EIF4G3: variants seen among roughly 807,000 people sequenced by gnomAD.
EIF4G3 encodes eukaryotic translation initiation factor 4 gamma 3.
A neutral mutation model predicts 186.4 loss-of-function variants in EIF4G3; 34 were observed. The ratio of observed to expected loss-of-function variants is 0.18; its 90% CI spans 0.14 to 0.24. The LOEUF (loss-of-function observed/expected upper bound fraction) is 0.24, where lower values mean the gene tolerates loss of function less well. Among genes scored for constraint, EIF4G3 ranks in the 10% least tolerant of loss-of-function variants. The probability of loss-of-function intolerance (pLI) is 1.00; values close to 1 mark genes in which losing one functional copy is unlikely to be tolerated. For synonymous variants in EIF4G3, 673 were observed against 679.5 expected (o/e 0.99, Z 0.15); for missense variants, 1,536 against 1,948.5 (o/e 0.79, Z 3.99).
intron 3 of EIF4G3, among the ~76,000 whole-genome samples, chr1:21,058,794 C>G (rs1441248670): frequency 7.9e-6 from 1 of 126,378 alleles, no homozygotes; most frequent in Non-Finnish European, 1.6e-5. Context: ...GTCTCAAACT[C>G]TGAAACTCAA....
At chr1:20,827,192 C>T (rs1051254097) in intron 32 of EIF4G3, among the ~76,000 whole-genome samples, 2 of 152,202 alleles carry the variant, frequency 1.3e-5, no homozygotes, top group Non-Finnish European at 2.9e-5. Context: ...ACCTCTTAGA[C>T]TTCTAACAAA....
chr1:20,929,960 G>A (rs1485175644), intron 14 of EIF4G3, among the ~76,000 whole-genome samples: 3 of 152,162 alleles, frequency 2.0e-5, no homozygotes, highest in Non-Finnish European at 2.9e-5. Context: ...TCATGGCAAT[G>A]AAGTTAATAT....
chr1:20,938,000 TTTC>T (rs549297861), intron 14 of EIF4G3, among the ~76,000 whole-genome samples: 13 of 132,722 alleles, frequency 9.8e-5, no homozygotes, highest in Admixed American at 7.4e-4. Context: ...CAACTGATGC[TTTC>T]TTTTTTTTTT....
intron 7 of EIF4G3, among the ~76,000 whole-genome samples, chr1:20,991,162 A>G (rs1050984543): frequency 2.0e-5 from 3 of 152,176 alleles, no homozygotes; most frequent in Admixed American, 6.5e-5. Flanking sequence ...ATTTCCCGGC[A>G]TGTGGTCAAT....
chr1:21,104,584 T>A lies in EIF4G3; in HGVS notation c.-271-15371A>T, dbSNP rs117909733. On this transcript the variant is annotated intron_variant, in intron 2 of 36. Transcript: ENST00000602326. Reference sequence around the variant, plus strand: ...GTCAAAAAATAACAGAGGCTGACTATGTTGCGGAGCAAAGGGAATGCTTAT... The same window carrying A: ...GTCAAAAAATAACAGAGGCTGACTAAGTTGCGGAGCAAAGGGAATGCTTAT... Among the ~76,000 whole-genome samples, 317 of 152,310 alleles carry A rather than the reference T, an allele frequency of 2.1e-3. 4 individuals are homozygous for A. In the East Asian group the frequency reaches 0.048, roughly 23 times the overall value.
chr1:21,158,826 C>T (rs770677876), intron 2 of EIF4G3, among the ~76,000 whole-genome samples: 2 of 152,012 alleles, frequency 1.3e-5, no homozygotes, highest in African/African-American at 2.4e-5. Flanking sequence ...GGCCTTTAAT[C>T]CCATCTAAAC....
At chr1:20,837,669 T>A (rs1239577557) in intron 30 of EIF4G3, among the ~76,000 whole-genome samples, 4 of 152,124 alleles carry the variant, frequency 2.6e-5, no homozygotes, top group Admixed American at 2.6e-4. Context: ...ACTATCTTTG[T>A]AGGTTAAGAA....
chr1:20,856,675 C>A (rs2075002153), intron 25 of EIF4G3, among the ~76,000 whole-genome samples: 1 of 152,124 alleles, frequency 6.6e-6, no homozygotes, highest in African/African-American at 2.4e-5. Flanking sequence ...TTCCTTTACG[C>A]CTTGGATAAG....
intron 27 of EIF4G3, among the ~76,000 whole-genome samples, chr1:20,852,568 G>A (rs969084783): frequency 1.3e-5 from 2 of 152,042 alleles, no homozygotes; most frequent in African/African-American, 2.4e-5. Flanking sequence ...TTCCTGATTC[G>A]TCTTCTTTTA....
intron 6 of EIF4G3, among the ~76,000 whole-genome samples, chr1:21,000,369 A>G (rs945315948): frequency 3.3e-5 from 5 of 152,142 alleles, no homozygotes; most frequent in Non-Finnish European, 7.3e-5. Context: ...GAAAAGCCTA[A>G]AACTGCGCAA....
chr1:20,937,550 C>CA (rs1295725633), intron 14 of EIF4G3, among the ~76,000 whole-genome samples: 5 of 151,312 alleles, frequency 3.3e-5, no homozygotes, highest in South Asian at 2.1e-4. Context: ...AAGCAAGAGC[C>CA]AAAAAAACAA....
At chr1:21,134,427 G>A (rs2097203416) in intron 2 of EIF4G3, among the ~76,000 whole-genome samples, 1 of 152,142 alleles carries the variant, frequency 6.6e-6, no homozygotes, top group African/African-American at 2.4e-5. Context: ...CCAACACTTT[G>A]GAGGGCCAAG....
rs192270669 is a variant in EIF4G3, at chr1:21,004,309, A to G, written c.-66-1501T>C. Among the ~76,000 whole-genome samples, 89 of 152,356 alleles carry G rather than the reference A, an allele frequency of 5.8e-4. 1 individual carries two copies. Among genetic ancestry groups the G allele is most frequent in the Non-Finnish European group, 1.3e-4 (9 of 68,026 alleles). On this transcript the variant is annotated intron_variant, in intron 4 of 36. Coordinates refer to ENST00000602326, the MANE Select transcript of EIF4G3 (RefSeq NM_001391906.1). The stretch of plus-strand genomic sequence containing the variant: ...CCATATATTTTCTGAAGATAAAAAC[A>G]TAAGCTTTTCATTGTAAATCCATGC...
intron 2 of EIF4G3, among the ~76,000 whole-genome samples, chr1:21,147,653 C>G (rs1337718820): frequency 6.6e-6 from 1 of 151,836 alleles, no homozygotes; most frequent in South Asian, 2.1e-4. Flanking sequence ...TGAACCTAAA[C>G]CAAAATCTCA....
At chr1:20,822,355 C>CTTT (rs57050580) in intron 33 of EIF4G3, among the ~76,000 whole-genome samples, 5 of 65,092 alleles carry the variant, frequency 7.7e-5, no homozygotes, top group African/African-American at 2.4e-4. Context: ...AAAGAACCAG[C>CTTT]TTTTTTTTTT....
intron 2 of EIF4G3, among the ~76,000 whole-genome samples, chr1:21,127,767 A>G (rs1369895386): frequency 9.2e-5 from 14 of 152,252 alleles, no homozygotes; most frequent in Non-Finnish European, 1.5e-5. Flanking sequence ...AGTACAGACA[A>G]TACACTTTAA....
chr1:20,949,993 A>G lies in EIF4G3; in HGVS notation c.823+10T>C. 1 of 1,609,932 alleles carries G rather than the reference A, an allele frequency of 6.2e-7. No individual in the cohort carries two copies. Among genetic ancestry groups the G allele is most frequent in the Non-Finnish European group, 8.5e-7 (1 of 1,176,666 alleles). The stretch of plus-strand genomic sequence containing the variant: ...AAAGATAAGAGGGAGGAAAACAGTC[A>G]TACACAAACCTTGCTTCTGGTCGCT... On this transcript the variant is annotated intron_variant, in intron 13 of 36. Transcript: ENST00000602326.
intron 3 of EIF4G3, among the ~76,000 whole-genome samples, chr1:21,076,387 CA>C (rs2100598222): frequency 6.6e-6 from 1 of 151,908 alleles, no homozygotes; most frequent in East Asian, 1.9e-4. Context: ...ACACCTACAT[CA>C]AAAAAGCAGA....
chr1:20,944,829 G>A (rs2095871745), intron 13 of EIF4G3, among the ~76,000 whole-genome samples: 1 of 151,864 alleles, frequency 6.6e-6, no homozygotes, highest in East Asian at 1.9e-4. Flanking sequence ...AGCCCAGGAG[G>A]TCTCAAACTA....
Sources: gnomAD v4.1 joint callset for allele counts (sites outside exome capture counted in the v4.1 genomes callset) on GRCh38, gnomAD v4.1.1 for gene constraint, MANE v1.5 for transcripts, NCBI Gene and HGNC (gene_info 2026-07-23, HGNC 2026-07-21) for gene names.